The following MEF2C variants were observed in gnomAD, a reference collection of about 807,000 sequenced individuals.
MEF2C encodes the protein myocyte enhancer factor 2C.
A neutral mutation model predicts 50.5 loss-of-function variants in MEF2C; 6 were observed. That is an observed-to-expected ratio of 0.12 (90% CI 0.07 to 0.23). The LOEUF (loss-of-function observed/expected upper bound fraction) is 0.23. MEF2C is among the 10% of genes least tolerant of loss of function. The pLI, the probability that MEF2C is intolerant of heterozygous loss-of-function variation, is 1.00. For missense variants in MEF2C, 276 were observed against 605.0 expected (o/e 0.46, Z 5.70); for synonymous variants, 183 against 228.0 (o/e 0.80, Z 1.78).
At chr5:88,885,575 A>G (rs981699454), upstream of MEF2C, among the ~76,000 whole-genome samples, 46 of 152,362 alleles carry the variant, frequency 3.0e-4, no homozygotes, top group African/African-American at 1.1e-3. Context: ...GGCAGAGAAC[A>G]TCTGTATCAG....
At chr5:88,898,938 T>C (rs899575996) in intron 1 of MEF2C, among the ~76,000 whole-genome samples, 20 of 152,176 alleles carry the variant, frequency 1.3e-4, no homozygotes, top group African/African-American at 4.6e-4. Context: ...CACTGTTTCT[T>C]GTTCCAACAT....
At chr5:88,860,805 G>GA (rs932529104) in intron 1 of MEF2C, among the ~76,000 whole-genome samples, 76 of 149,274 alleles carry the variant, frequency 5.1e-4, no homozygotes, top group South Asian at 1.1e-3. Context: ...ACACATTGGA[G>GA]AAAAAAAAAA....
intron 1 of MEF2C, among the ~76,000 whole-genome samples, chr5:88,875,024 T>C (rs1297674628): frequency 6.6e-6 from 1 of 151,910 alleles, no homozygotes; most frequent in Non-Finnish European, 1.5e-5. Context: ...CTAGAAATTA[T>C]TTTTTAATAG....
rs529507144 is a variant in MEF2C at position 88,720,078 on chromosome 5, C to T, written c.*2526G>A. On this transcript the variant is annotated 3_prime_UTR_variant, in exon 11 of 11. Transcript: ENST00000504921. The stretch of plus-strand genomic sequence containing the variant: ...ACTGGTATCTACTGATATTGATATA[C>T]TAAAGTATTTTGAAATGACAAAGAA... The T allele has an allele frequency of 6.6e-6, 1 of 152,200 alleles. No homozygotes were observed. The highest frequency in any genetic ancestry group is 2.4e-5 in the African/African-American group (1 of 41,538). 9.4% of individuals were successfully genotyped at this position (152,200 alleles called of 1,614,324 possible).
At chr5:88,891,162 A>T (rs1834504184) in intron 1 of MEF2C, among the ~76,000 whole-genome samples, 1 of 152,202 alleles carries the variant, frequency 6.6e-6, no homozygotes, top group Admixed American at 6.5e-5. Flanking sequence ...CTTTTCTAAG[A>T]GGCTAATTGG....
intron 3 of MEF2C, among the ~76,000 whole-genome samples, chr5:88,763,708 A>T (rs1164159179): frequency 6.7e-6 from 1 of 150,330 alleles, no homozygotes; most frequent in Non-Finnish European, 1.5e-5. Flanking sequence ...GCTGGAATGC[A>T]GTGTGGCGTG....
intron 1 of MEF2C, among the ~76,000 whole-genome samples, chr5:88,876,645 C>CT (rs1831150553): frequency 6.6e-6 from 1 of 151,952 alleles, no homozygotes; most frequent in Admixed American, 6.6e-5. Flanking sequence ...TAAGCCAAAG[C>CT]TGCCTGTCTT....
chr5:88,854,390 A>C (rs1220781338), intron 1 of MEF2C, among the ~76,000 whole-genome samples: 1 of 152,208 alleles, frequency 6.6e-6, no homozygotes, highest in Non-Finnish European at 1.5e-5. Context: ...CACACCAAAG[A>C]GCCTACATTT....
At chr5:88,869,314 T>TACACATATATATATATAC (rs1828758365) in intron 1 of MEF2C, among the ~76,000 whole-genome samples, 2 of 94,648 alleles carry the variant, frequency 2.1e-5, no homozygotes, top group Non-Finnish European at 4.1e-5. Flanking sequence ...TATATATATA[T>TACACATATATATATATAC]ACACATATAG....
intron 1 of MEF2C, among the ~76,000 whole-genome samples, chr5:88,873,517 AT>A (rs112465070): frequency 6.6e-6 from 1 of 151,946 alleles, no homozygotes. Context: ...GAATTCTCTG[AT>A]TTTTTTGAAG....
chr5:88,781,675 A>C (rs1447253607), intron 3 of MEF2C, among the ~76,000 whole-genome samples: 1 of 152,172 alleles, frequency 6.6e-6, no homozygotes, highest in Non-Finnish European at 1.5e-5. Flanking sequence ...TGATCATTAA[A>C]AGTGCACATG....
chr5:88,766,744 GT>G, intron 3 of MEF2C: 1 of 985,302 alleles, frequency 1.0e-6, no homozygotes, highest in Non-Finnish European at 1.2e-6. Flanking sequence ...CATAGGTAGT[GT>G]GATCTTTACT....
chr5:88,771,546 C>T, intron 3 of MEF2C: 6 of 985,398 alleles, frequency 6.1e-6, no homozygotes, highest in South Asian at 4.7e-5. Context: ...AACATGTCTG[C>T]TTCACCACCA....
chr5:88,804,620 C>T lies in MEF2C; in HGVS notation c.236G>A (p.Arg79Gln). The T allele has an allele frequency of 6.2e-7, 1 of 1,614,000 alleles. No individual in the cohort carries two copies. The highest frequency in any genetic ancestry group is 8.5e-7 in the Non-Finnish European group (1 of 1,180,000). Residue 79 changes from arginine to glutamine, a missense_variant, in exon 3 of 11, where the codon CGG (arginine) becomes CAG (glutamine). Arg to Gln is a conservative substitution (Grantham distance 43). Coordinates refer to ENST00000504921, the MANE Select transcript of MEF2C (RefSeq NM_002397.5). Reference protein sequence around the residue: ...YTEYNEPHESRTNSDIVETLR... With the variant: ...YTEYNEPHESQTNSDIVETLR... ...CACCTCCACGATGTCTGAGTTTGTC[C>T]GGCTCTCATGCGGCTCGTTGTACTC...
At chr5:88,864,830 A>G (rs1267495227) in intron 1 of MEF2C, among the ~76,000 whole-genome samples, 1 of 150,724 alleles carries the variant, frequency 6.6e-6, no homozygotes, top group Non-Finnish European at 1.5e-5. Context: ...GCAATGGCGC[A>G]ATCTCGGCTC....
rs531612919 is a variant in MEF2C, at chr5:88,805,812, G to T, written c.55-1011C>A. 1.7e-4 allele frequency among the ~76,000 whole-genome samples: 25 copies of T among 147,614 alleles called. 1 individual carries two copies. The South Asian group carries it at 5.4e-3, about 32-fold the overall frequency. Reference sequence around the variant, plus strand: ...TTGCTCCAGTCTGGCTACTGAAAAGGCGTGAACATTCTTTTTTTTTTTTTT... The same window carrying T: ...TTGCTCCAGTCTGGCTACTGAAAAGTCGTGAACATTCTTTTTTTTTTTTTT... On this transcript the variant is annotated intron_variant, in intron 2 of 10. Coordinates refer to ENST00000504921, the MANE Select transcript of MEF2C (RefSeq NM_002397.5).
At chr5:88,865,053 T>C (rs1008885879) in intron 1 of MEF2C, among the ~76,000 whole-genome samples, 4 of 151,954 alleles carry the variant, frequency 2.6e-5, no homozygotes, top group Non-Finnish European at 5.9e-5. Context: ...TGAGCCACCA[T>C]GCCTGGCCAT....
chr5:88,750,483 C>T (rs980548016), intron 5 of MEF2C, among the ~76,000 whole-genome samples: 1 of 152,112 alleles, frequency 6.6e-6, no homozygotes, highest in African/African-American at 2.4e-5. Flanking sequence ...GTTGAGATTA[C>T]AGGCGTGACC....
Position 88,843,234 on chromosome 5 carries a change from T to TA in MEF2C, c.-142-19305dup, listed in dbSNP as rs895815640. 4.4e-3 allele frequency: 2,691 copies of TA among 614,740 alleles called. 5 individuals are homozygous for TA. The highest frequency in any genetic ancestry group is 0.012 in the African/African-American group (597 of 48,212). The allele number at this position is 614,740 out of a possible 1,614,324, so 38.1% of individuals were successfully genotyped here. A position where few individuals can be genotyped will look rare whatever the true frequency, so the allele number is the denominator to read the frequency against. On this transcript the variant is annotated intron_variant, in intron 1 of 10. Transcript: ENST00000504921. ...CTTTTTTTTTTTTTTAATTCTATGG[T>TA]AAAAAAAAAAGCATTTCTATTTCTA...
Sources: gnomAD v4.1 joint callset for allele counts (sites outside exome capture counted in the v4.1 genomes callset) on GRCh38, gnomAD v4.1.1 for gene constraint, MANE v1.5 for transcripts, NCBI Gene and HGNC (gene_info 2026-07-23, HGNC 2026-07-21) for gene names.